WDR64: variants seen among roughly 807,000 people sequenced by gnomAD.
WDR64 encodes WD repeat domain 64.
In WDR64, 112 loss-of-function variants were observed where a neutral mutation model predicts 139.3. The ratio of observed to expected loss-of-function variants is 0.80; its 90% CI spans 0.69 to 0.94. The LOEUF is 0.94. Among genes scored for constraint, WDR64 ranks in the 40% least tolerant of loss-of-function variants. The pLI is 0.00. For synonymous variants in WDR64, 444 were observed against 437.7 expected (o/e 1.01, Z -0.18); for missense variants, 1,206 against 1,293.1 (o/e 0.93, Z 1.03).
rs140640318 is a variant in WDR64 at position 241,791,194 on chromosome 1, G to A, written c.2997+498G>A. ...CCAGCTACTCAGGAGGCTGAGGCAT[G>A]AGAATCGCTTGAACCCAGGAGGCAG... On this transcript the variant is annotated intron_variant, in intron 25 of 27. Transcript: ENST00000437684. Among the ~76,000 whole-genome samples, 533 of 152,262 alleles carry A rather than the reference G, an allele frequency of 3.5e-3. 1 individual carries two copies. The highest frequency in any genetic ancestry group is 0.012 in the African/African-American group (510 of 41,542).
intron 13 of WDR64, among the ~76,000 whole-genome samples, chr1:241,747,873 G>A (rs1034174399): frequency 1.3e-5 from 2 of 152,210 alleles, no homozygotes; most frequent in Non-Finnish European, 2.9e-5. Flanking sequence ...AATTGGGCTG[G>A]CATTCAGGTG....
Position 241,795,262 on chromosome 1 carries a change from T to C in WDR64, c.3053T>C (p.Val1018Ala). ...ACTGAAAACAGAGAGGCAGGGATTG[T>C]TTTCGGCTCTCTGCCTATATACAGT... Reference protein sequence around the residue: ...FVTENREAGIVFGSLPIYSIS... With the variant: ...FVTENREAGIAFGSLPIYSIS... Residue 1018 changes from valine (V) to alanine (A), a missense_variant, in exon 26 of 28, where the codon GTT becomes GCT. Val to Ala is a moderately conservative substitution (Grantham distance 64, BLOSUM62 0). Transcript: ENST00000437684. 6.2e-7 allele frequency: 1 copy of C among 1,613,832 alleles called. No individual in the cohort carries two copies.
chr1:241,769,341 C>A, intron 16 of WDR64, 63 bp from the exon 17 acceptor site: 2 of 1,294,486 alleles, frequency 1.5e-6, no homozygotes, highest in Non-Finnish European at 2.2e-6. Flanking sequence ...GATATACAAT[C>A]TTAGTACTGT....
intron 10 of WDR64, among the ~76,000 whole-genome samples, chr1:241,737,841 T>A (rs1373379405): frequency 6.6e-6 from 1 of 152,204 alleles, no homozygotes; most frequent in East Asian, 1.9e-4. Context: ...ATACTCCTAG[T>A]GTGTCTATAC....
chr1:241,740,827 G>A (rs1304539320), intron 11 of WDR64, among the ~76,000 whole-genome samples: 2 of 151,864 alleles, frequency 1.3e-5, no homozygotes, highest in African/African-American at 2.4e-5. Context: ...CACCATGCCC[G>A]GCTAATTGAG....
At chr1:241,770,287 A>G (rs2148298633) in intron 17 of WDR64, among the ~76,000 whole-genome samples, 1 of 152,244 alleles carries the variant, frequency 6.6e-6, no homozygotes, top group South Asian at 2.1e-4. Flanking sequence ...ACAGGCTTGT[A>G]AGGTCCCCCC....
chr1:241,780,462 A>G (rs1248590806), intron 22 of WDR64, among the ~76,000 whole-genome samples: 5 of 152,150 alleles, frequency 3.3e-5, no homozygotes, highest in Non-Finnish European at 1.5e-5. Context: ...TTTTTTTCTT[A>G]TTTCTAGTCT....
chr1:241,661,238 G>A (rs1312790098), intron 2 of WDR64, among the ~76,000 whole-genome samples: 2 of 151,708 alleles, frequency 1.3e-5, no homozygotes, highest in Non-Finnish European at 2.9e-5. Context: ...TTTATAAGCC[G>A]ATGGATATGT....
rs561915653 is a variant in WDR64 at position 241,677,891 on chromosome 1, A to G, written c.484-296A>G. ...GCATCAAATGTTGCTCCAAACAACT[A>G]AAAAAAATATGATGTAGTTTGCATA... On this transcript the variant is annotated intron_variant, in intron 4 of 27. Coordinates refer to ENST00000437684, the MANE Select transcript of WDR64 (RefSeq NM_001367482.1). Among the ~76,000 whole-genome samples, 26 of 152,146 alleles carry G rather than the reference A, an allele frequency of 1.7e-4. No homozygotes were observed. The East Asian group carries it at 4.8e-3, about 28-fold the overall frequency.
chr1:241,695,296 A>G (rs1310962263), intron 8 of WDR64, among the ~76,000 whole-genome samples: 1 of 152,212 alleles, frequency 6.6e-6, no homozygotes, highest in African/African-American at 2.4e-5. Flanking sequence ...AAAATACTAC[A>G]CAGTACAATG....
intron 10 of WDR64, among the ~76,000 whole-genome samples, chr1:241,724,632 A>C (rs1396254946): frequency 6.6e-6 from 1 of 152,256 alleles, no homozygotes; most frequent in East Asian, 1.9e-4. Context: ...AAGATTTTAA[A>C]TTTAAAATAC....
chr1:241,742,646 CA>C (rs1669592810), intron 12 of WDR64, among the ~76,000 whole-genome samples: 1 of 152,200 alleles, frequency 6.6e-6, no homozygotes, highest in African/African-American at 2.4e-5. Flanking sequence ...TAAAAATGGG[CA>C]ACCAGCAGCC....
At chr1:241,660,776 C>A in intron 2 of WDR64, 116 bp downstream of exon 2, 2 of 1,127,434 alleles carry the variant, frequency 1.8e-6, no homozygotes, top group South Asian at 1.5e-5. Context: ...GTGCATGTGT[C>A]AGTTTCAATA....
At chr1:241,689,925 C>T (rs1176325972) in intron 8 of WDR64, among the ~76,000 whole-genome samples, 1 of 150,038 alleles carries the variant, frequency 6.7e-6, no homozygotes, top group Admixed American at 6.6e-5. Context: ...CAAAACAAAA[C>T]AAAAAAAACC....
intron 10 of WDR64, among the ~76,000 whole-genome samples, chr1:241,724,633 T>C (rs1052472666): frequency 6.6e-6 from 1 of 152,204 alleles, no homozygotes; most frequent in Non-Finnish European, 1.5e-5. Flanking sequence ...AGATTTTAAA[T>C]TTAAAATACA....
rs566409907 is a variant in WDR64 at position 241,654,743 on chromosome 1, G to A, written c.145+2114G>A. Among the ~76,000 whole-genome samples the A allele has an allele frequency of 5.9e-5, 9 of 152,250 alleles. No individual in the cohort carries two copies. The East Asian group carries it at 1.5e-3, about 26-fold the overall frequency. ...TGCTCCAAAATTCAAAACTTTTTGA[G>A]AGCTGACATGAGATAGGGGCATATT... On this transcript the variant is annotated intron_variant, in intron 1 of 27. Coordinates refer to ENST00000437684, the MANE Select transcript of WDR64 (RefSeq NM_001367482.1).
intron 2 of WDR64, among the ~76,000 whole-genome samples, chr1:241,670,349 G>GA (rs34580106): frequency 5.9e-4 from 87 of 148,160 alleles, no homozygotes; most frequent in East Asian, 2.4e-3. Flanking sequence ...CAGGGATAAA[G>GA]AAAAAAAAAA....
chr1:241,775,248 T>G, intron 21 of WDR64, 38 bp downstream of exon 21: 1 of 1,492,284 alleles, frequency 6.7e-7, no homozygotes, highest in East Asian at 2.5e-5. Flanking sequence ...GACAGGTGTC[T>G]TAATAGCTTA....
chr1:241,673,351 A>G (rs967335978), intron 3 of WDR64, among the ~76,000 whole-genome samples: 3 of 152,292 alleles, frequency 2.0e-5, no homozygotes, highest in Middle Eastern at 3.4e-3. Flanking sequence ...AAAAAAAAAT[A>G]GTCTGTAGTG....
Sources: gnomAD v4.1 joint callset for allele counts (sites outside exome capture counted in the v4.1 genomes callset) on GRCh38, gnomAD v4.1.1 for gene constraint, MANE v1.5 for transcripts, NCBI Gene and HGNC (gene_info 2026-07-23, HGNC 2026-07-21) for gene names.